RP1L1: variants seen among roughly 807,000 people sequenced by gnomAD.
RP1L1 encodes the protein RP1 like 1, also known as retinitis pigmentosa 1-like 1 protein.
A neutral mutation model predicts 15.7 loss-of-function variants in RP1L1; 27 were observed. The ratio of observed to expected loss-of-function variants is 1.72; its 90% confidence interval spans 1.27 to 2.38. The LOEUF is 2.38. RP1L1 is among the 30% of genes most tolerant of loss of function. The pLI, the probability that RP1L1 is intolerant of heterozygous loss-of-function variation, is 0.00. For missense variants in RP1L1, 4,798 were observed against 3,075.9 expected, an observed-to-expected ratio of 1.56 and a Z score of -13.24; for synonymous variants, 1,813 against 1,276.7, an observed-to-expected ratio of 1.42 and a Z score of -8.96.
At chr8:10,631,600 G>C (rs1798253460) in intron 1 of RP1L1, among the ~76,000 whole-genome samples, 1 of 152,204 alleles carries the variant, frequency 6.6e-6, no homozygotes, top group Non-Finnish European at 1.5e-5. Context: ...CTGAACAAAG[G>C]AGACATCCGA....
intron 1 of RP1L1, among the ~76,000 whole-genome samples, chr8:10,649,043 G>A (rs1403738587): frequency 6.6e-6 from 1 of 152,218 alleles, no homozygotes; most frequent in African/African-American, 2.4e-5. Context: ...GCAGCGCCAT[G>A]CCTGAGCCCA....
chr8:10,637,012 G>A (rs1798339706), intron 1 of RP1L1, among the ~76,000 whole-genome samples: 1 of 152,226 alleles, frequency 6.6e-6, no homozygotes, highest in African/African-American at 2.4e-5. Flanking sequence ...ACTCTGCAGT[G>A]TACAAAGCAT....
At chr8:10,635,100 G>A (rs898935522) in intron 1 of RP1L1, among the ~76,000 whole-genome samples, 2 of 152,196 alleles carry the variant, frequency 1.3e-5, no homozygotes, top group African/African-American at 2.4e-5. Context: ...GAACCGGGGA[G>A]GGAACAGGTA....
In RP1L1 at chr8:10,607,836, G is replaced by C. The variant is rs570426515; in HGVS notation, c.6262C>G (p.Gln2088Glu). ...AHPESEDVDA[Q>E]EAEGEAQPES... is the part of the protein sequence containing the mutation. ...GGCTGGGCCTCCCCTTCTGCCTCCTGGGCATCTACATCTTCTGACTCTGGG... is the reference window on the plus strand; with the variant it reads ...GGCTGGGCCTCCCCTTCTGCCTCCTCGGCATCTACATCTTCTGACTCTGGG... The change falls in exon 4 of 4, where the codon CAG becomes GAG. Residue 2088 changes from glutamine (Q) to glutamate (E), a missense_variant. Physicochemically the swap from Gln to Glu is conservative, Grantham distance 29. Coordinates refer to ENST00000382483, the MANE Select transcript of RP1L1 (RefSeq NM_178857.6). The C allele has an allele frequency of 1.9e-6, 3 of 1,591,996 alleles. No homozygotes were observed. The highest frequency in any genetic ancestry group is 1.4e-5 in the African/African-American group (1 of 73,718).
chr8:10,628,106 G>A (rs776688338), intron 1 of RP1L1, among the ~76,000 whole-genome samples: 11 of 152,194 alleles, frequency 7.2e-5, no homozygotes, highest in Non-Finnish European at 1.6e-4. Flanking sequence ...AGGTTCATGA[G>A]CCCAACTAGG....
intron 3 of RP1L1, 150 bp downstream of exon 3, chr8:10,616,296 A>G (rs1797963505): frequency 5.2e-6 from 5 of 960,662 alleles, no homozygotes; most frequent in Non-Finnish European, 8.2e-6. Flanking sequence ...GAGAAGGAGG[A>G]AGAGGCAAGA....
At chr8:10,643,890 A>G (rs1281837556) in intron 1 of RP1L1, among the ~76,000 whole-genome samples, 1 of 151,862 alleles carries the variant, frequency 6.6e-6, no homozygotes, top group East Asian at 1.9e-4. Context: ...TGTTACCAGA[A>G]ACTGATCTGC....
chr8:10,643,432 T>C (rs564480435), intron 1 of RP1L1, among the ~76,000 whole-genome samples: 32 of 152,210 alleles, frequency 2.1e-4, no homozygotes, highest in Non-Finnish European at 4.4e-4. Flanking sequence ...TCAGTGTTAG[T>C]TCTTCCCCTT....
chr8:10,644,705 G>A (rs750712181), intron 1 of RP1L1, among the ~76,000 whole-genome samples: 17 of 152,198 alleles, frequency 1.1e-4, no homozygotes, highest in African/African-American at 3.6e-4. Flanking sequence ...ACCAGGAGGA[G>A]CCCTGAAGCC....
intron 2 of RP1L1, among the ~76,000 whole-genome samples, chr8:10,619,167 G>T (rs1798019173): frequency 6.6e-6 from 1 of 152,102 alleles, no homozygotes; most frequent in Non-Finnish European, 1.5e-5. Context: ...ACCATGACTG[G>T]CCCAGTACTG....
At chr8:10,633,107 G>A (rs1324717897) in intron 1 of RP1L1, among the ~76,000 whole-genome samples, 3 of 152,180 alleles carry the variant, frequency 2.0e-5, no homozygotes, top group African/African-American at 7.2e-5. Context: ...CCCAGGAGAC[G>A]GCAGCAGCGA....
Position 10,607,143 on chromosome 8 carries a change from C to A in RP1L1, c.6955G>T (p.Val2319Leu). 2 of 1,614,240 alleles carry A rather than the reference C, an allele frequency of 1.2e-6. No homozygotes were observed. Among genetic ancestry groups the A allele is most frequent in the Non-Finnish European group, 1.7e-6 (2 of 1,180,046 alleles). Residue 2319 changes from valine to leucine, a missense_variant, in exon 4 of 4, where the codon GTA becomes TTA. Coordinates refer to ENST00000382483, the MANE Select transcript of RP1L1 (RefSeq NM_178857.6). ...CWQKDSENDH[V>L]LGDTRSPDAK... is the part of the protein sequence containing the mutation. ...TCAGGGCTCCTTGTGTCTCCAAGTA[C>A]ATGGTCATTTTCTGAGTCTTTCTGC... is the stretch of plus-strand genomic sequence containing the variant.
In RP1L1 at chr8:10,609,076, G is replaced by A. The variant is rs1797772487; in HGVS notation, c.5022C>T (p.Ala1674=). ...TGGGACCTCTGGTTGCCCCCATTGT[G>A]GCCTTGGGGGACATAGGGCTCACTT... The part of the protein sequence containing the change: ...RKKVSPMSPK[A]TMGATRGPIK... Residue 1674 remains alanine (A), a synonymous_variant, in exon 4 of 4, where the codon GCC becomes GCT. Transcript: ENST00000382483. 2.5e-6 allele frequency: 4 copies of A among 1,613,676 alleles called. No individual in the cohort carries two copies. The highest frequency in any genetic ancestry group is 2.7e-5 in the African/African-American group (2 of 74,928).
chr8:10,645,966 T>G (rs1239510537), intron 1 of RP1L1, among the ~76,000 whole-genome samples: 1 of 152,188 alleles, frequency 6.6e-6, no homozygotes, highest in Non-Finnish European at 1.5e-5. Flanking sequence ...TTCAACCCCC[T>G]GCAGGCAGCC....
chr8:10,645,750 G>C (rs115390921), intron 1 of RP1L1, among the ~76,000 whole-genome samples: 2,464 of 152,240 alleles, frequency 0.016, 74 homozygotes, highest in African/African-American at 0.055. Flanking sequence ...GCGAGTGATG[G>C]CACCAGTGCA....
intron 1 of RP1L1, among the ~76,000 whole-genome samples, chr8:10,651,109 G>A (rs1036478542): frequency 6.6e-6 from 1 of 152,230 alleles, no homozygotes; most frequent in Non-Finnish European, 1.5e-5. Flanking sequence ...AGCAGGCTCA[G>A]AAGGGGCAAC....
chr8:10,611,225 C>A lies in RP1L1; in HGVS notation c.2873G>T (p.Arg958Leu), dbSNP rs768812215. Reference protein sequence around the residue: ...LPRSSPEAVVREWLDNIPEEP... With the variant: ...LPRSSPEAVVLEWLDNIPEEP... ...TTCTGGAATGTTGTCCAGCCATTCG[C>A]GGACCACAGCCTCTGGAGACGAGCG... Residue 958 changes from arginine (R) to leucine (L), a missense_variant, in exon 4 of 4, where the codon CGC becomes CTC. Coordinates refer to ENST00000382483, the MANE Select transcript of RP1L1 (RefSeq NM_178857.6). 5.0e-6 allele frequency: 8 copies of A among 1,612,992 alleles called. No individual in the cohort carries two copies. Among genetic ancestry groups the A allele is most frequent in the Non-Finnish European group, 5.9e-6 (7 of 1,180,030 alleles).
intron 1 of RP1L1, among the ~76,000 whole-genome samples, chr8:10,634,489 G>A (rs371881920): frequency 2.6e-4 from 40 of 152,318 alleles, no homozygotes; most frequent in Non-Finnish European, 4.7e-4. Context: ...CAAAACAGCC[G>A]ACATACAGAA....
chr8:10,635,125 G>A (rs944636448), intron 1 of RP1L1, among the ~76,000 whole-genome samples: 6 of 152,194 alleles, frequency 3.9e-5, no homozygotes, highest in Admixed American at 1.3e-4. Context: ...CTGGGGACTC[G>A]GGTGACGCGG....
Sources: allele counts gnomAD v4.1 joint callset (sites outside exome capture counted in the v4.1 genomes callset), GRCh38; gene constraint gnomAD v4.1.1; transcripts MANE v1.5; gene names NCBI Gene and HGNC (gene_info 2026-07-23, HGNC 2026-07-21).